STMND1: variants seen among roughly 807,000 people sequenced by gnomAD.
The protein encoded by STMND1 is stathmin domain-containing protein 1.
In STMND1, 17 loss-of-function variants were observed where a neutral mutation model predicts 23.0. That is an observed-to-expected ratio of 0.74 (90% CI 0.51 to 1.11). STMND1 has a LOEUF of 1.11. Among genes scored for constraint, STMND1 ranks in the 50% least tolerant of loss-of-function variants. The pLI is 0.00. For synonymous variants in STMND1, 114 were observed against 119.9 expected, an observed-to-expected ratio of 0.95 and a Z score of 0.32; for missense variants, 305 against 329.1, an observed-to-expected ratio of 0.93 and a Z score of 0.57.
At position 17,107,634 on chromosome 6, in the gene STMND1, C is replaced by T. The variant is rs527319055; in HGVS notation, c.81+5296C>T. ...CTTCTGAGACAGGGTCTCACTCTGT[C>T]ACCCAAGTTGAAGTGCAGTGGTACA... On this transcript the variant is annotated intron_variant, in intron 1 of 4. Coordinates refer to ENST00000536551, the MANE Select transcript of STMND1 (RefSeq NM_001190766.2). Among the ~76,000 whole-genome samples the T allele has an allele frequency of 7.0e-4, 106 of 152,272 alleles. 1 individual carries two copies. Among genetic ancestry groups the T allele is most frequent in the Middle Eastern group, 3.4e-3 (1 of 294 alleles).
chr6:17,115,438 T>A (rs1362458654), intron 2 of STMND1, among the ~76,000 whole-genome samples: 2 of 148,092 alleles, frequency 1.4e-5, no homozygotes, highest in Admixed American at 1.3e-4. Flanking sequence ...ACTTTAGGAA[T>A]GGGACTTGCA....
intron 3 of STMND1, among the ~76,000 whole-genome samples, chr6:17,126,052 ATATATATATATATATATATTTTTTTTTT>A (rs1464970036): frequency 6.8e-5 from 2 of 29,448 alleles, no homozygotes; most frequent in Non-Finnish European, 1.2e-4. Context: ...ATATATATAT[ATATATATATATATATATATTTTTTTTTT>A]TTTTTTTTTT....
At chr6:17,128,415 T>C (rs147374297) in intron 3 of STMND1, 1 of 152,336 alleles carries the variant, frequency 6.6e-6, no homozygotes, top group Non-Finnish European at 1.5e-5. Flanking sequence ...GAAAGTAACT[T>C]GTAGCTTGTG....
intron 1 of STMND1, among the ~76,000 whole-genome samples, chr6:17,106,158 G>A (rs1761022181): frequency 6.6e-6 from 1 of 152,024 alleles, no homozygotes; most frequent in African/African-American, 2.4e-5. Flanking sequence ...CATGATAAAT[G>A]TGTACCCATT....
chr6:17,114,676 G>A (rs2209260), intron 1 of STMND1, among the ~76,000 whole-genome samples: 150,552 of 152,326 alleles, frequency 0.99, 74,403 homozygotes, highest in Middle Eastern at 1. Context: ...GACAGGAGGC[G>A]GAGCTCTGGG....
At chr6:17,120,824 A>G in intron 3 of STMND1, 66 bp downstream of exon 3, 1 of 1,280,806 alleles carries the variant, frequency 7.8e-7, no homozygotes, top group Non-Finnish European at 1.1e-6. Context: ...ATTGATCATG[A>G]GTCATTATTT....
At chr6:17,103,121 C>A (rs1002637610) in intron 1 of STMND1, among the ~76,000 whole-genome samples, 1 of 152,152 alleles carries the variant, frequency 6.6e-6, no homozygotes, top group African/African-American at 2.4e-5. Flanking sequence ...TAGCAACCCT[C>A]AAGGGTCCAC....
Position 17,115,103 on chromosome 6 carries a change from C to G in STMND1, c.223C>G (p.Pro75Ala). The G allele has an allele frequency of 6.5e-7, 1 of 1,535,820 alleles. No homozygotes were observed. Among genetic ancestry groups the G allele is most frequent in the South Asian group, 1.2e-5 (1 of 83,992 alleles). ...SLPGTISENS[P>A]SPSERNRRVN... ...ACCTGGAACCATTTCAGAAAATTCT[C>G]CATCTCCTAGTGAAAGAAACAGACG... Residue 75 changes from proline to alanine, a missense_variant, in exon 2 of 5, where the codon CCA (proline) becomes GCA (alanine). By Grantham distance (27) the Pro-to-Ala change is conservative. Coordinates refer to ENST00000536551, the MANE Select transcript of STMND1 (RefSeq NM_001190766.2).
At chr6:17,110,552 G>A (rs1208353749) in intron 1 of STMND1, 5 of 275,810 alleles carry the variant, frequency 1.8e-5, no homozygotes, top group South Asian at 7.1e-5. Flanking sequence ...GGCAGATCAC[G>A]AGGTCAAGAA....
chr6:17,130,519 C>A, intron 4 of STMND1, 75 bp from the exon 5 acceptor site: 1 of 1,138,662 alleles, frequency 8.8e-7, no homozygotes, highest in Non-Finnish European at 1.2e-6. Flanking sequence ...CATGAATGTT[C>A]AATACAAGCA....
intron 1 of STMND1, among the ~76,000 whole-genome samples, chr6:17,112,279 A>G (rs1461274297): frequency 6.6e-6 from 1 of 152,164 alleles, no homozygotes; most frequent in African/African-American, 2.4e-5. Flanking sequence ...TCTATGTTGC[A>G]ACGTATGTCA....
chr6:17,112,622 A>G (rs1341652982), intron 1 of STMND1, among the ~76,000 whole-genome samples: 1 of 152,082 alleles, frequency 6.6e-6, no homozygotes, highest in African/African-American at 2.4e-5. Flanking sequence ...CTAAAAATAC[A>G]AAAAATTAGC....
intron 3 of STMND1, among the ~76,000 whole-genome samples, chr6:17,122,531 C>T (rs1481767274): frequency 6.6e-6 from 1 of 152,066 alleles, no homozygotes; most frequent in Non-Finnish European, 1.5e-5. Flanking sequence ...GACTGAGTCA[C>T]TTAATGTTTG....
At chr6:17,125,318 C>A (rs181395913) in intron 3 of STMND1, among the ~76,000 whole-genome samples, 1 of 152,078 alleles carries the variant, frequency 6.6e-6, no homozygotes, top group Non-Finnish European at 1.5e-5. Flanking sequence ...GTACACATGT[C>A]GATATGTATA....
In STMND1 at chr6:17,117,500, A is replaced by G. The variant is rs138989948; in HGVS notation, c.259+2361A>G. ...CTGTCTAATCCAGGATCACATGTTT[A>G]ATTTAGTCATCTATGGTCTTTAGTC... On this transcript the variant is annotated intron_variant, in intron 2 of 4. Coordinates refer to ENST00000536551, the MANE Select transcript of STMND1 (RefSeq NM_001190766.2). Among the ~76,000 whole-genome samples the G allele has an allele frequency of 2.1e-4, 32 of 152,244 alleles. No homozygotes were observed. In the East Asian group the frequency reaches 6.2e-3, roughly 29 times the overall value.
chr6:17,104,700 A>T (rs1436558381), intron 1 of STMND1, among the ~76,000 whole-genome samples: 2 of 152,224 alleles, frequency 1.3e-5, no homozygotes. Context: ...GATCTTTCTC[A>T]AATAAAATCT....
At chr6:17,123,921 A>C (rs1445927539) in intron 3 of STMND1, among the ~76,000 whole-genome samples, 2 of 152,204 alleles carry the variant, frequency 1.3e-5, no homozygotes, top group African/African-American at 4.8e-5. Flanking sequence ...GGGAAGAGTT[A>C]TGAGGCCAAT....
At chr6:17,104,035 G>C (rs1482717145) in intron 1 of STMND1, among the ~76,000 whole-genome samples, 5 of 152,000 alleles carry the variant, frequency 3.3e-5, no homozygotes, top group African/African-American at 9.7e-5. Context: ...CTCTTCTCTT[G>C]TCTTCTGCCA....
chr6:17,121,875 T>G (rs1404168877), intron 3 of STMND1, among the ~76,000 whole-genome samples: 2 of 151,886 alleles, frequency 1.3e-5, no homozygotes, highest in Non-Finnish European at 2.9e-5. Context: ...TTTTTTTTTT[T>G]TTTTTGAGAT....
Sources: allele counts gnomAD v4.1 joint callset (sites outside exome capture counted in the v4.1 genomes callset), GRCh38; gene constraint gnomAD v4.1.1; transcripts MANE v1.5; gene names NCBI Gene and HGNC (gene_info 2026-07-23, HGNC 2026-07-21).